The following USH2A variants were observed in gnomAD, a reference collection of about 807,000 sequenced individuals.
The protein encoded by USH2A is usherin.
Under a neutral mutation model 538.9 loss-of-function variants are expected in USH2A, and 443 were observed. The ratio of observed to expected loss-of-function variants is 0.82; its 90% CI spans 0.76 to 0.89. USH2A has a LOEUF of 0.89. Among genes scored for constraint, USH2A ranks in the 40% least tolerant of loss-of-function variants. The pLI is 0.00. For missense variants in USH2A, 6,633 were observed against 6,324.8 expected, an observed-to-expected ratio of 1.05 and a Z score of -1.65; for synonymous variants, 2,413 against 2,273.5, an observed-to-expected ratio of 1.06 and a Z score of -1.75.
At chr1:216,040,715 A>C (rs2030236222) in intron 32 of USH2A, among the ~76,000 whole-genome samples, 1 of 152,028 alleles carries the variant, frequency 6.6e-6, no homozygotes, top group South Asian at 2.1e-4. Context: ...GTATACACAC[A>C]TCTTAAGTGG....
chr1:215,809,404 T>C (rs1339792365), intron 49 of USH2A, among the ~76,000 whole-genome samples: 1 of 152,046 alleles, frequency 6.6e-6, no homozygotes, highest in Non-Finnish European at 1.5e-5. Context: ...TTTAGCTATG[T>C]CTTTCTGAAT....
At chr1:216,310,854 TC>T (rs2037408251) in intron 9 of USH2A, among the ~76,000 whole-genome samples, 3 of 152,210 alleles carry the variant, frequency 2.0e-5, no homozygotes, top group South Asian at 2.1e-4. Flanking sequence ...CCCTGCTTTG[TC>T]TGTTTGGAGA....
rs1197287988 is a variant in USH2A at position 215,737,106 on chromosome 1, A to G, written c.11711+4269T>C. Among the ~76,000 whole-genome samples, 4 of 152,082 alleles carry G rather than the reference A, an allele frequency of 2.6e-5. No individual in the cohort carries two copies. In the East Asian group the frequency reaches 7.7e-4, roughly 29 times the overall value. ...TAAATAATATATGATACACATCCAT[A>G]TAACAGAATATTGATGAGTCATTAA... On this transcript the variant is annotated intron_variant, in intron 60 of 71. Coordinates refer to ENST00000307340, the MANE Select transcript of USH2A (RefSeq NM_206933.4).
chr1:215,980,749 G>A (rs1667732788), intron 35 of USH2A, among the ~76,000 whole-genome samples: 1 of 152,070 alleles, frequency 6.6e-6, no homozygotes, highest in South Asian at 2.1e-4. Flanking sequence ...TGTGTAACAT[G>A]ATATTCATGT....
At chr1:215,894,747 A>G (rs2102465199) in intron 40 of USH2A, among the ~76,000 whole-genome samples, 1 of 152,102 alleles carries the variant, frequency 6.6e-6, no homozygotes, top group South Asian at 2.1e-4. Flanking sequence ...CCTCTCTTAC[A>G]TTCACCTCTT....
At chr1:216,148,571 C>T (rs1235080362) in intron 21 of USH2A, among the ~76,000 whole-genome samples, 4 of 152,122 alleles carry the variant, frequency 2.6e-5, no homozygotes, top group African/African-American at 4.8e-5. Context: ...AGGATTAAAG[C>T]CTGTTATCAC....
intron 11 of USH2A, among the ~76,000 whole-genome samples, chr1:216,274,089 T>C (rs2036624830): frequency 6.6e-6 from 1 of 152,112 alleles, no homozygotes; most frequent in South Asian, 2.1e-4. Context: ...TAAGAACTAT[T>C]GCTTTAATAC....
intron 15 of USH2A, among the ~76,000 whole-genome samples, chr1:216,210,116 C>G (rs948527027): frequency 6.6e-6 from 1 of 152,090 alleles, no homozygotes; most frequent in Non-Finnish European, 1.5e-5. Flanking sequence ...GAATAGGCAG[C>G]CTTGCAGGGT....
chr1:215,848,357 CT>C (rs1390276456), intron 44 of USH2A, among the ~76,000 whole-genome samples: 1 of 152,200 alleles, frequency 6.6e-6, no homozygotes, highest in East Asian at 1.9e-4. Context: ...TGCTTTCAAA[CT>C]TCACTTACGT....
At chr1:215,849,472 A>C (rs1357625265) in intron 44 of USH2A, among the ~76,000 whole-genome samples, 1 of 152,198 alleles carries the variant, frequency 6.6e-6, no homozygotes, top group Non-Finnish European at 1.5e-5. Flanking sequence ...AAGAATTAAC[A>C]GGAAAATGAC....
In USH2A at chr1:215,759,838, A is replaced by C; in HGVS notation, c.11053T>G (p.Trp3685Gly). ...QTLQAAPEGV[W>G]VTPRHIIINS... ...ATGATAATGTGTCGAGGTGTCACCC[A>C]AACTCCTGGCAAGAATAACGCAATG... The change falls in exon 57 of 72, where the codon TGG becomes GGG. Residue 3685 changes from tryptophan (W) to glycine (G), a missense_variant. By Grantham distance (184) the Trp-to-Gly change is radical. Transcript: ENST00000307340. 1 of 1,614,030 alleles carries C rather than the reference A, an allele frequency of 6.2e-7. No individual in the cohort carries two copies. Among genetic ancestry groups the C allele is most frequent in the Non-Finnish European group, 8.5e-7 (1 of 1,179,888 alleles).
intron 3 of USH2A, among the ~76,000 whole-genome samples, chr1:216,410,306 CA>C (rs369508293): frequency 2.6e-5 from 4 of 151,310 alleles, no homozygotes; most frequent in South Asian, 2.1e-4. Flanking sequence ...CCTCAAAGAC[CA>C]AAAAAAACAG....
chr1:216,263,916 A>C (rs905746688), intron 11 of USH2A, among the ~76,000 whole-genome samples: 2 of 152,178 alleles, frequency 1.3e-5, no homozygotes, highest in Non-Finnish European at 1.5e-5. Context: ...AACTAAACGA[A>C]TAAAGTTGCA....
At chr1:216,337,413 C>T (rs923574162) in intron 4 of USH2A, among the ~76,000 whole-genome samples, 15 of 151,344 alleles carry the variant, frequency 9.9e-5, no homozygotes, top group Admixed American at 2.0e-4. Flanking sequence ...GAAAGGAAAA[C>T]GACAGGACCA....
intron 3 of USH2A, among the ~76,000 whole-genome samples, chr1:216,366,733 TTC>T (rs1204009654): frequency 6.6e-6 from 1 of 152,196 alleles, no homozygotes; most frequent in Non-Finnish European, 1.5e-5. Flanking sequence ...ACTATGTTCT[TTC>T]TTAAATCCAT....
chr1:215,724,947 A>G lies in USH2A; in HGVS notation c.12066+3083T>C, dbSNP rs184761219. On this transcript the variant is annotated intron_variant, in intron 61 of 71. Transcript: ENST00000307340. ...GCTCTGAACAAAGGGAGATAGACTT[A>G]AATTATAGGAGGCAGGATTTGTCTG... Among the ~76,000 whole-genome samples, 4 of 152,320 alleles carry G rather than the reference A, an allele frequency of 2.6e-5. No individual in the cohort carries two copies. In the East Asian group the frequency reaches 7.7e-4, roughly 29 times the overall value.
intron 15 of USH2A, among the ~76,000 whole-genome samples, chr1:216,214,000 T>C (rs1032753089): frequency 2.6e-5 from 4 of 152,034 alleles, no homozygotes; most frequent in African/African-American, 7.2e-5. Flanking sequence ...CACAACAAGA[T>C]ACTACTACAC....
chr1:216,404,618 C>CTTT lies in USH2A; in HGVS notation c.651+13893_651+13895dup, dbSNP rs375562284. On this transcript the variant is annotated intron_variant, in intron 3 of 71. Transcript: ENST00000307340. ...ATATTAACTCAAAGTGAAACATAGG[C>CTTT]TTTTTTTTTTTTTTTTTTTTTAAGA... 7.8e-3 allele frequency among the ~76,000 whole-genome samples: 856 copies of CTTT among 109,982 alleles called. 18 individuals are homozygous for CTTT. The highest frequency in any genetic ancestry group is 8.3e-3 in the Non-Finnish European group (479 of 57,828). 72.2% of individuals were successfully genotyped at this position (109,982 alleles called of 152,430 possible). A position where few individuals can be genotyped will look rare whatever the true frequency, so the allele number is the denominator to read the frequency against.
intron 37 of USH2A, among the ~76,000 whole-genome samples, chr1:215,956,971 T>C (rs776748869): frequency 7.2e-5 from 11 of 152,206 alleles, no homozygotes; most frequent in Non-Finnish European, 1.6e-4. Flanking sequence ...GATATCTTAT[T>C]ATTGCCCGTT....
Sources: gnomAD v4.1 joint callset for allele counts (sites outside exome capture counted in the v4.1 genomes callset) on GRCh38, gnomAD v4.1.1 for gene constraint, MANE v1.5 for transcripts, NCBI Gene and HGNC (gene_info 2026-07-23, HGNC 2026-07-21) for gene names.